Variants in PEBP4 observed in about 807,000 individuals in gnomAD.
PEBP4 encodes the protein phosphatidylethanolamine-binding protein 4.
Under a neutral mutation model 23.9 loss-of-function variants are expected in PEBP4, and 22 were observed. The observed-to-expected ratio is 0.92, with a 90% CI of 0.66 to 1.31. PEBP4 has a LOEUF of 1.31. Among genes scored for constraint, PEBP4 ranks in the 40% most tolerant of loss-of-function variants. PEBP4 has a pLI of 0.00. For missense variants in PEBP4, 324 were observed against 281.7 expected (o/e 1.15, Z -1.07); for synonymous variants, 112 against 99.3 (o/e 1.13, Z -0.76).
intron 2 of PEBP4, chr8:22,925,428 A>G: frequency 1.5e-6 from 1 of 654,280 alleles, no homozygotes; most frequent in South Asian, 6.8e-5. Flanking sequence ...CTTTTAAGCT[A>G]TGTAAACACT....
Position 22,771,193 on chromosome 8 carries a change from C to T in PEBP4, c.358-43973G>A, listed in dbSNP as rs555657907. Among the ~76,000 whole-genome samples, 3 of 152,324 alleles carry T rather than the reference C, an allele frequency of 2.0e-5. No homozygotes were observed. The South Asian group carries it at 6.2e-4, about 32-fold the overall frequency. ...GCATTGACAGTACCATATATACCTT[C>T]TTCAACAGAGAATTTGTTGGCTGGG... On this transcript the variant is annotated intron_variant, in intron 4 of 6. Transcript: ENST00000256404.
chr8:22,820,581 A>G (rs1297620811), intron 3 of PEBP4, among the ~76,000 whole-genome samples: 1 of 152,084 alleles, frequency 6.6e-6, no homozygotes, highest in African/African-American at 2.4e-5. Context: ...GGGAAAAGAG[A>G]GATTAAATCT....
chr8:22,772,490 TC>T, intron 4 of PEBP4, among the ~76,000 whole-genome samples: 2 of 93,262 alleles, frequency 2.1e-5, no homozygotes, highest in Non-Finnish European at 4.6e-5. Flanking sequence ...TCTCTCTCTC[TC>T]TCTTTTTTTT....
At chr8:22,828,319 C>G (rs752617879) in intron 3 of PEBP4, among the ~76,000 whole-genome samples, 10 of 152,312 alleles carry the variant, frequency 6.6e-5, no homozygotes, top group South Asian at 6.2e-4. Flanking sequence ...CCTTTGCCTT[C>G]CCTGCCTTCC....
At chr8:22,753,879 C>T (rs1208816972) in intron 4 of PEBP4, among the ~76,000 whole-genome samples, 1 of 152,202 alleles carries the variant, frequency 6.6e-6, no homozygotes, top group Admixed American at 6.5e-5. Flanking sequence ...GTGCGGGGAA[C>T]AGAGCACATC....
At chr8:22,765,895 A>T (rs1486512844) in intron 4 of PEBP4, among the ~76,000 whole-genome samples, 1 of 149,950 alleles carries the variant, frequency 6.7e-6, no homozygotes, top group South Asian at 2.1e-4. Flanking sequence ...CCTGTGGATC[A>T]CCACCATTCA....
chr8:22,795,001 T>C (rs62494994), intron 4 of PEBP4, among the ~76,000 whole-genome samples: 19,438 of 151,454 alleles, frequency 0.13, 1,361 homozygotes, highest in Middle Eastern at 0.19. Flanking sequence ...CTTTTCAGTT[T>C]TTCATGGCTT....
At chr8:22,825,393 C>T (rs958774996) in intron 3 of PEBP4, among the ~76,000 whole-genome samples, 3 of 152,170 alleles carry the variant, frequency 2.0e-5, no homozygotes, top group Non-Finnish European at 2.9e-5. Context: ...GAAGAACGTG[C>T]CATCAACACT....
upstream of PEBP4, among the ~76,000 whole-genome samples, chr8:22,928,637 A>C (rs2457426): frequency 0.4 from 60,224 of 151,710 alleles, 12,772 homozygotes; most frequent in East Asian, 0.6. Context: ...GGCGGCTTGC[A>C]ACAGGCTTTC....
chr8:22,758,814 C>T (rs984144139), intron 4 of PEBP4, among the ~76,000 whole-genome samples: 2 of 152,180 alleles, frequency 1.3e-5, no homozygotes. Context: ...GGGTGGACAG[C>T]GCTTTCCTAG....
chr8:22,900,778 C>A (rs957378123), intron 3 of PEBP4, among the ~76,000 whole-genome samples: 2 of 152,160 alleles, frequency 1.3e-5, no homozygotes, highest in African/African-American at 4.8e-5. Context: ...GATTTCCTGG[C>A]CCCACCTGTG....
At chr8:22,781,184 C>G (rs1053158264) in intron 4 of PEBP4, among the ~76,000 whole-genome samples, 43 of 152,240 alleles carry the variant, frequency 2.8e-4, no homozygotes, top group African/African-American at 1.0e-3. Flanking sequence ...CCCAGCATCT[C>G]CTTGTTGGTA....
intron 3 of PEBP4, among the ~76,000 whole-genome samples, chr8:22,889,720 G>T (rs755343394): frequency 6.6e-6 from 1 of 151,100 alleles, no homozygotes; most frequent in African/African-American, 2.4e-5. Flanking sequence ...TTTTTAAAAG[G>T]CCGGTAAATA....
At chr8:22,814,085 A>G (rs568229340) in intron 4 of PEBP4, among the ~76,000 whole-genome samples, 11 of 152,334 alleles carry the variant, frequency 7.2e-5, no homozygotes, top group Non-Finnish European at 1.5e-4. Context: ...TGTTCTGGGT[A>G]TTGTTCTGAG....
In PEBP4 at chr8:22,761,215, C is replaced by T. The variant is rs138890033; in HGVS notation, c.358-33995G>A. On this transcript the variant is annotated intron_variant, in intron 4 of 6. Transcript: ENST00000256404. ...CATCACATCTTGCAGGTGGGCCTGCCCCGGGGAACTGTGGGGTGGGGTGTG... is the reference window on the plus strand; with the variant it reads ...CATCACATCTTGCAGGTGGGCCTGCTCCGGGGAACTGTGGGGTGGGGTGTG... Among the ~76,000 whole-genome samples, 51 of 152,224 alleles carry T rather than the reference C, an allele frequency of 3.4e-4. No individual in the cohort carries two copies. In the East Asian group the frequency reaches 5.8e-3, roughly 17 times the overall value.
intron 3 of PEBP4, among the ~76,000 whole-genome samples, chr8:22,859,368 G>C (rs2128768392): frequency 6.6e-6 from 1 of 152,336 alleles, no homozygotes; most frequent in African/African-American, 2.4e-5. Flanking sequence ...AGACTCATCA[G>C]GCTGGAATCT....
At chr8:22,765,039 A>C (rs1057486948) in intron 4 of PEBP4, among the ~76,000 whole-genome samples, 2 of 152,048 alleles carry the variant, frequency 1.3e-5, no homozygotes, top group African/African-American at 4.8e-5. Flanking sequence ...TACTGAGCCA[A>C]GCATTCCCTC....
chr8:22,810,713 T>A (rs2008531), intron 4 of PEBP4, among the ~76,000 whole-genome samples: 51,511 of 124,788 alleles, frequency 0.41, 10,197 homozygotes, highest in East Asian at 0.58. Flanking sequence ...TGTGTGTGTG[T>A]GAGAGAGAGA....
chr8:22,839,876 G>A, intron 3 of PEBP4, among the ~76,000 whole-genome samples: 1 of 151,518 alleles, frequency 6.6e-6, no homozygotes, highest in East Asian at 1.9e-4. Context: ...TGGAATGGCT[G>A]AGGAGGGAGG....
Sources: gnomAD v4.1 joint callset for allele counts (sites outside exome capture counted in the v4.1 genomes callset) on GRCh38, gnomAD v4.1.1 for gene constraint, MANE v1.5 for transcripts, NCBI Gene and HGNC (gene_info 2026-07-23, HGNC 2026-07-21) for gene names.